Variants in KYNU observed in about 807,000 individuals in gnomAD.
The protein encoded by KYNU is L-kynurenine hydrolase.
Under a neutral mutation model 59.2 loss-of-function variants are expected in KYNU, and 54 were observed. The ratio of observed to expected loss-of-function variants is 0.91; its 90% CI spans 0.73 to 1.14. KYNU has a LOEUF of 1.14. Among genes scored for constraint, KYNU ranks in the 50% most tolerant of loss-of-function variants. The pLI, the probability that KYNU is intolerant of heterozygous loss-of-function variation, is 0.00. For synonymous variants in KYNU, 177 were observed against 192.0 expected, an observed-to-expected ratio of 0.92 and a Z score of 0.65; for missense variants, 567 against 554.4, an observed-to-expected ratio of 1.02 and a Z score of -0.23.
At chr2:143,006,933 T>C (rs1239428557) in intron 10 of KYNU, among the ~76,000 whole-genome samples, 1 of 151,752 alleles carries the variant, frequency 6.6e-6, no homozygotes, top group African/African-American at 2.4e-5. Context: ...AGACCAAAAG[T>C]AGATAAAACC....
intron 8 of KYNU, among the ~76,000 whole-genome samples, chr2:142,964,406 A>G (rs1369688757): frequency 2.0e-5 from 3 of 152,158 alleles, no homozygotes; most frequent in African/African-American, 4.8e-5. Context: ...ACCAGCATAT[A>G]TTAGACTTTC....
At chr2:143,013,063 A>G (rs187269158) in intron 10 of KYNU, among the ~76,000 whole-genome samples, 71 of 152,110 alleles carry the variant, frequency 4.7e-4, no homozygotes, top group Non-Finnish European at 8.1e-4. Context: ...AGGTGCTATC[A>G]CAGCACACTG....
chr2:142,918,872 GCCTC>G, intron 3 of KYNU, 143 bp downstream of exon 3: 1 of 922,322 alleles, frequency 1.1e-6, no homozygotes, highest in Non-Finnish European at 1.7e-6. Flanking sequence ...TAGTTCCAGG[GCCTC>G]CCTATCATTC....
intron 12 of KYNU, among the ~76,000 whole-genome samples, chr2:143,037,522 T>C (rs1314631341): frequency 2.0e-5 from 3 of 152,180 alleles, no homozygotes; most frequent in African/African-American, 7.2e-5. Flanking sequence ...ACGTTTCCTT[T>C]CAAATTTCCT....
chr2:142,884,725 G>A (rs1313002932), intron 1 of KYNU, among the ~76,000 whole-genome samples: 1 of 54,598 alleles, frequency 1.8e-5, no homozygotes, highest in African/African-American at 5.8e-5. Flanking sequence ...TTTGTGTTTT[G>A]AGACAGGGTC....
At chr2:142,919,734 G>C (rs1472065517) in intron 3 of KYNU, among the ~76,000 whole-genome samples, 1 of 152,060 alleles carries the variant, frequency 6.6e-6, no homozygotes, top group Non-Finnish European at 1.5e-5. Context: ...AAGAGTTTGA[G>C]ACCAGCCTGG....
At chr2:142,949,704 G>A (rs1683922510) in intron 4 of KYNU, among the ~76,000 whole-genome samples, 1 of 152,196 alleles carries the variant, frequency 6.6e-6, no homozygotes, top group Non-Finnish European at 1.5e-5. Flanking sequence ...GGCTTGTGAT[G>A]GGAGGAGCTG....
rs1029866272 is a variant in KYNU, at chr2:143,042,516, G to A, written c.*344G>A. ...ACTTCATAATGTATGTGCAATTATT[G>A]TGTCAAATTTAGAAATATTACTTTA... On this transcript the variant is annotated 3_prime_UTR_variant, in exon 14 of 14. Transcript: ENST00000264170. 15 of 185,650 alleles carry A rather than the reference G, an allele frequency of 8.1e-5. No individual in the cohort carries two copies. The highest frequency in any genetic ancestry group is 1.5e-4 in the Non-Finnish European group (13 of 89,530). 11.5% of individuals were successfully genotyped at this position (185,650 alleles called of 1,614,324 possible).
intron 3 of KYNU, among the ~76,000 whole-genome samples, chr2:142,925,656 C>T (rs1256080176): frequency 1.3e-5 from 2 of 152,124 alleles, no homozygotes; most frequent in Non-Finnish European, 1.5e-5. Flanking sequence ...CTGGCTTATA[C>T]CAGATGTCAA....
At chr2:142,960,870 A>G in intron 8 of KYNU, 100 bp downstream of exon 8, 1 of 1,263,272 alleles carries the variant, frequency 7.9e-7, no homozygotes, top group Non-Finnish European at 1.1e-6. Context: ...CTTGTGTCTG[A>G]GTAAAACTAT....
rs578138427 is a variant in KYNU at position 142,974,965 on chromosome 2, G to A, written c.730-10119G>A. On this transcript the variant is annotated intron_variant, in intron 8 of 13. Transcript: ENST00000264170. ...TACTACACTTTTTTAAAATATTAGG[G>A]TATGGCTTGAAATCAGTGGGTAATA... Among the ~76,000 whole-genome samples, 284 of 152,132 alleles carry A rather than the reference G, an allele frequency of 1.9e-3. 2 individuals are homozygous for A. The highest frequency in any genetic ancestry group is 6.7e-3 in the African/African-American group (276 of 41,488).
intron 2 of KYNU, among the ~76,000 whole-genome samples, chr2:142,886,493 G>T (rs1287687416): frequency 6.6e-6 from 1 of 152,176 alleles, no homozygotes; most frequent in African/African-American, 2.4e-5. Context: ...ACTTAAAATT[G>T]TGTAGTATAA....
intron 5 of KYNU, 87 bp downstream of exon 5, chr2:142,954,958 G>A: frequency 2.4e-6 from 2 of 842,330 alleles, no homozygotes; most frequent in Non-Finnish European, 4.0e-6. Flanking sequence ...GCTTCTGGGG[G>A]TTTACTTATT....
intron 1 of KYNU, among the ~76,000 whole-genome samples, chr2:142,882,559 T>C (rs1047767980): frequency 1.3e-5 from 2 of 152,180 alleles, no homozygotes; most frequent in African/African-American, 4.8e-5. Flanking sequence ...AGTTCCCACC[T>C]GTGAGTGAGA....
chr2:142,945,146 A>C (rs1376648771), intron 4 of KYNU, among the ~76,000 whole-genome samples: 5 of 152,226 alleles, frequency 3.3e-5, no homozygotes. Context: ...AAAATAAGAT[A>C]GCAATCACGT....
chr2:143,019,304 T>C (rs1421775720), intron 10 of KYNU, among the ~76,000 whole-genome samples: 2 of 152,148 alleles, frequency 1.3e-5, no homozygotes, highest in Non-Finnish European at 2.9e-5. Flanking sequence ...TTGGGGTGTA[T>C]TTCTTCTATA....
At chr2:142,895,095 A>C (rs1395202203) in intron 2 of KYNU, among the ~76,000 whole-genome samples, 1 of 152,230 alleles carries the variant, frequency 6.6e-6, no homozygotes, top group Non-Finnish European at 1.5e-5. Context: ...CAGAAGTATG[A>C]AATAACTTGT....
At chr2:142,945,688 G>A (rs1430458421) in intron 4 of KYNU, among the ~76,000 whole-genome samples, 2 of 152,004 alleles carry the variant, frequency 1.3e-5, no homozygotes, top group South Asian at 2.1e-4. Flanking sequence ...ATCCATCAGA[G>A]GGATCACTAT....
chr2:142,978,544 A>G (rs1684954536), intron 8 of KYNU, among the ~76,000 whole-genome samples: 1 of 152,168 alleles, frequency 6.6e-6, no homozygotes. Flanking sequence ...CCATAATGAT[A>G]GTGGCACTGG....
Sources: gnomAD v4.1 joint callset for allele counts (sites outside exome capture counted in the v4.1 genomes callset) on GRCh38, gnomAD v4.1.1 for gene constraint, MANE v1.5 for transcripts, NCBI Gene and HGNC (gene_info 2026-07-23, HGNC 2026-07-21) for gene names.